Variants in GALNTL6 observed in about 807,000 individuals in gnomAD.
The protein encoded by GALNTL6 is polypeptide N-acetylgalactosaminyltransferase-like 6.
GALNTL6 carries 46 observed loss-of-function variants against 73.7 expected under a neutral mutation model. The observed-to-expected ratio is 0.62, with a 90% confidence interval of 0.49 to 0.80. The LOEUF (loss-of-function observed/expected upper bound fraction) is 0.80, where lower values mean the gene tolerates loss of function less well. Ranked by LOEUF, GALNTL6 falls within the 30% of genes least tolerant of loss-of-function variation. GALNTL6 has a pLI of 0.00. For synonymous variants in GALNTL6, 259 were observed against 263.7 expected (o/e 0.98, Z 0.17); for missense variants, 604 against 755.0 (o/e 0.80, Z 2.34).
intron 2 of GALNTL6, among the ~76,000 whole-genome samples, chr4:171,867,340 T>C (rs966400996): frequency 6.6e-6 from 1 of 152,166 alleles, no homozygotes. Context: ...ATTAAAATAG[T>C]CCAGAAATTT....
At chr4:172,138,398 T>C (rs1420513655) in intron 2 of GALNTL6, among the ~76,000 whole-genome samples, 11 of 138,648 alleles carry the variant, frequency 7.9e-5, no homozygotes, top group African/African-American at 2.9e-4. Context: ...GTCTATTGCT[T>C]TCCTTCATTT....
At chr4:172,453,066 T>G (rs1340415734) in intron 5 of GALNTL6, among the ~76,000 whole-genome samples, 1 of 152,106 alleles carries the variant, frequency 6.6e-6, no homozygotes, top group African/African-American at 2.4e-5. Context: ...CTGGGCGTGG[T>G]GGTACACACC....
At chr4:172,052,283 C>T (rs1186160606) in intron 2 of GALNTL6, among the ~76,000 whole-genome samples, 1 of 151,964 alleles carries the variant, frequency 6.6e-6, no homozygotes, top group Non-Finnish European at 1.5e-5. Context: ...AGAGAGGATA[C>T]AGGACATGTA....
At chr4:172,872,877 C>T (rs983444463) in intron 7 of GALNTL6, among the ~76,000 whole-genome samples, 3 of 152,184 alleles carry the variant, frequency 2.0e-5, no homozygotes, top group Non-Finnish European at 2.9e-5. Context: ...CTTAAATATT[C>T]ATCCTATTTA....
chr4:172,173,549 C>A (rs993549641), intron 2 of GALNTL6, among the ~76,000 whole-genome samples: 1 of 152,112 alleles, frequency 6.6e-6, no homozygotes, highest in African/African-American at 2.4e-5. Context: ...GACATCTGAG[C>A]TTTAAAAATA....
At position 172,863,832 on chromosome 4, in the gene GALNTL6, A is replaced by ATGGT. The variant is rs1744520435; in HGVS notation, c.924-18956_924-18953dup. 7.2e-5 allele frequency among the ~76,000 whole-genome samples: 11 copies of ATGGT among 152,254 alleles called. No homozygotes were observed. In the South Asian group the frequency reaches 2.1e-3, roughly 29 times the overall value. ...TGGGAGGAGCCAGGGGTGGAATTAT[A>ATGGT]TGGTTTGGCTGTGTCCCCACCCAAG... On this transcript the variant is annotated intron_variant, in intron 7 of 12. Transcript: ENST00000506823.
intron 5 of GALNTL6, among the ~76,000 whole-genome samples, chr4:172,517,159 A>G (rs1244289754): frequency 1.3e-5 from 2 of 152,190 alleles, no homozygotes; most frequent in Non-Finnish European, 2.9e-5. Flanking sequence ...CAGAGGGTTA[A>G]CATGGTATAT....
At chr4:172,451,056 G>A (rs1454343812) in intron 5 of GALNTL6, among the ~76,000 whole-genome samples, 1 of 152,184 alleles carries the variant, frequency 6.6e-6, no homozygotes, top group Non-Finnish European at 1.5e-5. Flanking sequence ...TCAGCACACA[G>A]TATGCATCCT....
intron 2 of GALNTL6, among the ~76,000 whole-genome samples, chr4:172,197,759 C>T (rs1735818720): frequency 6.6e-6 from 1 of 152,114 alleles, no homozygotes; most frequent in African/African-American, 2.4e-5. Flanking sequence ...AAACTGAAAG[C>T]CTTCCTTACA....
At chr4:172,960,353 G>A (rs527253285) in intron 10 of GALNTL6, among the ~76,000 whole-genome samples, 75 of 152,304 alleles carry the variant, frequency 4.9e-4, no homozygotes, top group African/African-American at 1.7e-3. Context: ...GGCTAGTCAC[G>A]GAACGAAACT....
intron 7 of GALNTL6, among the ~76,000 whole-genome samples, chr4:172,840,868 A>G (rs994817420): frequency 2.6e-5 from 4 of 152,186 alleles, no homozygotes; most frequent in African/African-American, 9.7e-5. Flanking sequence ...GGACTGGCTC[A>G]ACACTCTTGC....
At chr4:172,369,029 G>A (rs778109610) in intron 5 of GALNTL6, among the ~76,000 whole-genome samples, 9 of 152,160 alleles carry the variant, frequency 5.9e-5, no homozygotes, top group Non-Finnish European at 1.3e-4. Flanking sequence ...GTGTGGAAGG[G>A]GACCTGAGCA....
In GALNTL6 at chr4:172,446,088, T is replaced by C. The variant is rs200641599; in HGVS notation, c.553+97399T>C. ...AAAACAAAAGCAGCAGGTGTAATAA[T>C]ATAATAAAATCCTGAATTCTAATGT... On this transcript the variant is annotated intron_variant, in intron 5 of 12. Coordinates refer to ENST00000506823, the MANE Select transcript of GALNTL6 (RefSeq NM_001034845.3). 8.0e-4 allele frequency among the ~76,000 whole-genome samples: 122 copies of C among 152,226 alleles called. 2 individuals carry two copies. In the South Asian group the frequency reaches 0.016, roughly 20 times the overall value.
At chr4:172,476,210 C>A (rs576172695) in intron 5 of GALNTL6, among the ~76,000 whole-genome samples, 1 of 152,290 alleles carries the variant, frequency 6.6e-6, no homozygotes, top group African/African-American at 2.4e-5. Flanking sequence ...TGGGAAGTCC[C>A]AGATCAAGAC....
intron 4 of GALNTL6, among the ~76,000 whole-genome samples, chr4:172,341,182 T>C (rs1052876136): frequency 6.6e-6 from 1 of 152,034 alleles, no homozygotes; most frequent in Non-Finnish European, 1.5e-5. Context: ...TATTCAAAAA[T>C]GTAGTTGTCC....
intron 5 of GALNTL6, among the ~76,000 whole-genome samples, chr4:172,693,438 C>T (rs571750566): frequency 6.6e-5 from 10 of 152,272 alleles, no homozygotes; most frequent in Admixed American, 3.3e-4. Context: ...ATCATCTGTA[C>T]CAACAATCTC....
chr4:171,996,381 A>G (rs980879300), intron 2 of GALNTL6, among the ~76,000 whole-genome samples: 8 of 152,172 alleles, frequency 5.3e-5, no homozygotes, highest in Non-Finnish European at 8.8e-5. Flanking sequence ...TATTTCATGG[A>G]CCATTATTTT....
At chr4:171,916,654 G>A (rs1490384057) in intron 2 of GALNTL6, among the ~76,000 whole-genome samples, 1 of 152,000 alleles carries the variant, frequency 6.6e-6, no homozygotes, top group Admixed American at 6.6e-5. Flanking sequence ...AATCTATTCA[G>A]CGCTTCTTCA....
intron 2 of GALNTL6, among the ~76,000 whole-genome samples, chr4:172,060,980 T>C (rs1413041445): frequency 6.6e-6 from 1 of 152,158 alleles, no homozygotes; most frequent in Non-Finnish European, 1.5e-5. Flanking sequence ...CATAGAGCCA[T>C]CATTAGGAAT....
Sources: gnomAD v4.1 joint callset for allele counts (sites outside exome capture counted in the v4.1 genomes callset) on GRCh38, gnomAD v4.1.1 for gene constraint, MANE v1.5 for transcripts, NCBI Gene and HGNC (gene_info 2026-07-23, HGNC 2026-07-21) for gene names.